Variants in DLST observed in about 807,000 individuals in gnomAD.
DLST encodes the protein dihydrolipoyllysine-residue succinyltransferase component of 2-oxoglutarate dehydrogenase complex, mitochondrial.
Under a neutral mutation model 53.1 loss-of-function variants are expected in DLST, and 17 were observed. That is an observed-to-expected ratio of 0.32 (90% CI 0.22 to 0.48). The LOEUF is 0.48. DLST is among the 20% of genes least tolerant of loss of function. The pLI is 0.99. For synonymous variants in DLST, 206 were observed against 204.8 expected, an observed-to-expected ratio of 1.01 and a Z score of -0.05; for missense variants, 512 against 583.9, an observed-to-expected ratio of 0.88 and a Z score of 1.27.
rs975698125 is a variant in DLST at position 74,900,315 on chromosome 14, T to C, written c.1002T>C (p.Asn334=). ...GTCTGGTGGTTCCAGTCATCAGGAA[T>C]GTGGAAGCTATGAATTTTGCAGATA... ...PRGLVVPVIR[N]VEAMNFADIE... The change falls in exon 13 of 15, where the codon AAT becomes AAC. Residue 334 remains asparagine, a synonymous_variant. Coordinates refer to ENST00000334220, the MANE Select transcript of DLST (RefSeq NM_001933.5). 8.7e-6 allele frequency: 14 copies of C among 1,614,016 alleles called. No individual in the cohort carries two copies. Among genetic ancestry groups the C allele is most frequent in the Middle Eastern group, 3.3e-4 (2 of 6,060 alleles).
Position 74,881,938 on chromosome 14 carries a change from C to G in DLST, c.-16C>G, listed in dbSNP as rs376399767. The G allele has an allele frequency of 1.8e-4, 273 of 1,537,004 alleles. No individual in the cohort carries two copies. The highest frequency in any genetic ancestry group is 2.2e-4 in the Non-Finnish European group (254 of 1,148,346). On this transcript the variant is annotated 5_prime_UTR_variant, in exon 1 of 15. Coordinates refer to ENST00000334220, the MANE Select transcript of DLST (RefSeq NM_001933.5). Reference sequence around the variant, plus strand: ...CCTATATCCGGTGTCCGCCCGCCCTCGGCTCCTCCGCCGTGATGCTGTCCC... The same window carrying G: ...CCTATATCCGGTGTCCGCCCGCCCTGGGCTCCTCCGCCGTGATGCTGTCCC...
At chr14:74,891,376 AC>A (rs1167480224) in intron 7 of DLST, 15 of 1,290,304 alleles carry the variant, frequency 1.2e-5, no homozygotes, top group Non-Finnish European at 1.5e-5. Flanking sequence ...TAAACCTTAT[AC>A]TCTGTTCTTT....
intron 3 of DLST, among the ~76,000 whole-genome samples, chr14:74,886,210 G>A (rs1182636118): frequency 6.6e-6 from 1 of 152,254 alleles, no homozygotes; most frequent in Non-Finnish European, 1.5e-5. Flanking sequence ...GGTGCTAAGA[G>A]AATGCTCTCT....
intron 3 of DLST, 147 bp from the exon 4 acceptor site, chr14:74,888,948 T>C (rs1237068053): frequency 1.3e-6 from 1 of 774,762 alleles, no homozygotes; most frequent in Non-Finnish European, 2.2e-6. Context: ...CAAGTGAACT[T>C]TGAAAAAGTT....
At position 74,899,976 on chromosome 14, in the gene DLST, G is replaced by A. The variant is rs1884190193; in HGVS notation, c.955G>A (p.Val319Ile). 1 of 1,613,784 alleles carries A rather than the reference G, an allele frequency of 6.2e-7. No homozygotes were observed. Among genetic ancestry groups the A allele is most frequent in the African/African-American group, 1.3e-5 (1 of 74,906 alleles). ...GTATAGGGATTATATTGACATCAGT[G>A]TTGCAGTGGCCACCCCACGGGTATG... ...VVYRDYIDIS[V>I]AVATPRGLVV... The change falls in exon 12 of 15, where the codon GTT becomes ATT. Residue 319 changes from valine to isoleucine, a missense_variant. Transcript: ENST00000334220.
At chr14:74,882,652 A>T in intron 2 of DLST, 28 bp downstream of exon 2, 1 of 1,612,152 alleles carries the variant, frequency 6.2e-7, no homozygotes, top group Non-Finnish European at 8.5e-7. Context: ...CGTCACCTAA[A>T]ATGCTCTCCT....
intron 7 of DLST, 21 bp from the exon 8 acceptor site, chr14:74,892,813 T>C (rs1399836656): frequency 6.3e-7 from 1 of 1,594,546 alleles, no homozygotes; most frequent in Admixed American, 1.8e-5. Flanking sequence ...GCCAGTGGCA[T>C]ATACTTTTCT....
intron 10 of DLST, among the ~76,000 whole-genome samples, chr14:74,895,000 G>A (rs778690233): frequency 8.3e-4 from 126 of 152,108 alleles, no homozygotes; most frequent in Non-Finnish European, 1.5e-3. Context: ...GGCCGAGGCA[G>A]GCGGATTGCT....
chr14:74,898,715 G>T (rs1030761807), intron 11 of DLST, among the ~76,000 whole-genome samples: 1 of 152,248 alleles, frequency 6.6e-6, no homozygotes, highest in Non-Finnish European at 1.5e-5. Flanking sequence ...TCTCTTCCCA[G>T]TGTACAGCTC....
At position 74,900,355 on chromosome 14, in the gene DLST, A is replaced by G. The variant is rs144479996; in HGVS notation, c.1042A>G (p.Thr348Ala). 51 of 1,613,790 alleles carry G rather than the reference A, an allele frequency of 3.2e-5. No individual in the cohort carries two copies. Among genetic ancestry groups the G allele is most frequent in the Non-Finnish European group, 4.0e-5 (47 of 1,179,860 alleles). The change falls in exon 13 of 15, where the codon ACT becomes GCT. Residue 348 changes from threonine to alanine, a missense_variant. Thr to Ala is a moderately conservative substitution (Grantham distance 58). Coordinates refer to ENST00000334220, the MANE Select transcript of DLST (RefSeq NM_001933.5). The stretch of plus-strand genomic sequence containing the variant: ...TTTTGCAGATATTGAACGGACCATC[A>G]CTGAACTGGGAGAGAAGGTAAAGTA... ...MNFADIERTI[T>A]ELGEKARKNE...
At position 74,891,512 on chromosome 14, in the gene DLST, A is replaced by G. The variant is rs907913678; in HGVS notation, c.442+345A>G. On this transcript the variant is annotated intron_variant, in intron 7 of 14. Transcript: ENST00000334220. ...CAAAACTGAAAATCCAAAATCTGAA[A>G]TGCTTCAAAACTTTTTGAGCACTGA... 1.4e-5 allele frequency: 14 copies of G among 998,118 alleles called. No individual in the cohort carries two copies. The African/African-American group carries it at 2.3e-4, about 16-fold the overall frequency. The allele number at this position is 998,118 out of a possible 1,614,324, so 61.8% of individuals were successfully genotyped here.
chr14:74,891,259 A>C, intron 7 of DLST, 92 bp downstream of exon 7: 1 of 1,569,104 alleles, frequency 6.4e-7, no homozygotes, highest in Non-Finnish European at 8.7e-7. Context: ...TATGTCAAAG[A>C]CTCTTGTCAT....
In DLST at chr14:74,889,028, G is replaced by A. The variant is rs964201769; in HGVS notation, c.147-67G>A. On this transcript the variant is annotated intron_variant, in intron 3 of 14. Coordinates refer to ENST00000334220, the MANE Select transcript of DLST (RefSeq NM_001933.5). Reference sequence around the variant, plus strand: ...GTTTAAGGGGAAGGTGACCCATGGGGCCTTAACTAGACTAAAATGTGAGTG... The same window carrying A: ...GTTTAAGGGGAAGGTGACCCATGGGACCTTAACTAGACTAAAATGTGAGTG... 16 of 1,530,964 alleles carry A rather than the reference G, an allele frequency of 1.0e-5. No homozygotes were observed. In the African/African-American group the frequency reaches 1.7e-4, roughly 16 times the overall value. The allele number at this position is 1,530,964 out of a possible 1,614,324, so 94.8% of individuals were successfully genotyped here.
chr14:74,890,396 G>T (rs1478871305), intron 6 of DLST, among the ~76,000 whole-genome samples: 1 of 152,092 alleles, frequency 6.6e-6, no homozygotes, highest in African/African-American at 2.4e-5. Context: ...GGGATTAGAG[G>T]CATGAGCCAC....
intron 10 of DLST, among the ~76,000 whole-genome samples, chr14:74,897,106 T>TTATCA (rs1252645810): frequency 4.6e-5 from 7 of 152,332 alleles, no homozygotes; most frequent in African/African-American, 1.7e-4. Context: ...GCAGAGATGT[T>TTATCA]TATCACATCT....
At chr14:74,890,442 T>G (rs1883865696) in intron 6 of DLST, among the ~76,000 whole-genome samples, 1 of 152,168 alleles carries the variant, frequency 6.6e-6, no homozygotes, top group Non-Finnish European at 1.5e-5. Context: ...AATTGTTTGC[T>G]GTGTGTGTAC....
intron 1 of DLST, 132 bp downstream of exon 1, chr14:74,882,148 G>C: frequency 1.3e-6 from 1 of 798,908 alleles, no homozygotes; most frequent in Non-Finnish European, 1.7e-6. Context: ...GAGGCCGCGC[G>C]GGCTGGGCGG....
intron 10 of DLST, among the ~76,000 whole-genome samples, chr14:74,895,048 G>A (rs1287146224): frequency 2.0e-5 from 3 of 152,046 alleles, no homozygotes; most frequent in African/African-American, 4.8e-5. Flanking sequence ...GTAACAAGGC[G>A]AAACCCCACC....
chr14:74,898,341 G>A, intron 10 of DLST, 28 bp from the exon 11 acceptor site: 1 of 1,604,414 alleles, frequency 6.2e-7, no homozygotes, highest in Non-Finnish European at 8.5e-7. Flanking sequence ...AGGCTTTGTG[G>A]TCAGTTTGTT....
Sources: allele counts gnomAD v4.1 joint callset (sites outside exome capture counted in the v4.1 genomes callset), GRCh38; gene constraint gnomAD v4.1.1; transcripts MANE v1.5; gene names NCBI Gene and HGNC (gene_info 2026-07-23, HGNC 2026-07-21).